KSR2: variants seen among roughly 807,000 people sequenced by gnomAD.
KSR2 encodes the protein kinase suppressor of ras 2.
Under a neutral mutation model 107.8 loss-of-function variants are expected in KSR2, and 25 were observed. The ratio of observed to expected loss-of-function variants is 0.23; its 90% CI spans 0.17 to 0.32. The LOEUF (loss-of-function observed/expected upper bound fraction) is 0.32, where lower values mean the gene tolerates loss of function less well. Among genes scored for constraint, KSR2 ranks in the 10% least tolerant of loss-of-function variants. The pLI, the probability that KSR2 is intolerant of heterozygous loss-of-function variation, is 1.00. For synonymous variants in KSR2, 480 were observed against 507.0 expected, an observed-to-expected ratio of 0.95 and a Z score of 0.71; for missense variants, 887 against 1,268.9, an observed-to-expected ratio of 0.70 and a Z score of 4.57.
At chr12:117,941,373 GA>G (rs5801261) in intron 1 of KSR2, among the ~76,000 whole-genome samples, 4 of 151,116 alleles carry the variant, frequency 2.6e-5, no homozygotes, top group East Asian at 1.9e-4. Context: ...GCCATTTGGG[GA>G]AAAAAAATCA....
intron 14 of KSR2, among the ~76,000 whole-genome samples, chr12:117,520,834 G>A (rs1874711162): frequency 1.3e-5 from 2 of 152,150 alleles, no homozygotes; most frequent in Non-Finnish European, 2.9e-5. Context: ...CTGTGTGATA[G>A]AGTCCCCTGC....
At chr12:117,591,017 C>T (rs1422609267) in intron 5 of KSR2, among the ~76,000 whole-genome samples, 1 of 152,182 alleles carries the variant, frequency 6.6e-6, no homozygotes, top group Non-Finnish European at 1.5e-5. Context: ...TGTCACCCCA[C>T]TGCCCACTTA....
At chr12:117,474,211 CA>C (rs1481072937) in intron 17 of KSR2, among the ~76,000 whole-genome samples, 9 of 152,222 alleles carry the variant, frequency 5.9e-5, no homozygotes, top group African/African-American at 2.2e-4. Context: ...AGCAGAAAAC[CA>C]ATTATTCTGG....
chr12:117,761,167 G>A lies in KSR2; in HGVS notation c.830C>T (p.Pro277Leu), dbSNP rs1888996449. ...CAGCTTGTTCTTCTTCCTCATGGGC[G>A]GCGTGCCCGGCGGGGTCACGGTGGT... ...IVTTVTPPGT[P>L]PMRKKNKLKP... Residue 277 changes from proline to leucine, a missense_variant, in exon 4 of 20, where the codon CCG becomes CTG. Physicochemically the swap from Pro to Leu is moderately conservative, Grantham distance 98 (BLOSUM62 -3). Coordinates refer to ENST00000339824, the MANE Select transcript of KSR2 (RefSeq NM_173598.6). The A allele has an allele frequency of 1.1e-5, 17 of 1,604,080 alleles. No individual in the cohort carries two copies. Among genetic ancestry groups the A allele is most frequent in the Non-Finnish European group, 1.4e-5 (17 of 1,173,932 alleles).
At chr12:117,740,337 T>TTATATAA (rs1491133209) in intron 4 of KSR2, among the ~76,000 whole-genome samples, 1 of 129,120 alleles carries the variant, frequency 7.7e-6, no homozygotes, top group Non-Finnish European at 1.7e-5. Flanking sequence ...ATTATATATA[T>TTATATAA]GTTATATATA....
chr12:117,835,657 A>G (rs748863440), intron 3 of KSR2, among the ~76,000 whole-genome samples: 18 of 152,106 alleles, frequency 1.2e-4, no homozygotes, highest in Non-Finnish European at 2.6e-4. Flanking sequence ...CAGTGTCTGT[A>G]GGCATTTTTG....
At chr12:117,890,683 AT>A (rs1894315407) in intron 1 of KSR2, 1 of 152,184 alleles carries the variant, frequency 6.6e-6, no homozygotes, top group Admixed American at 6.5e-5. Flanking sequence ...ATTTGATTGC[AT>A]TTGATCCATT....
chr12:117,531,537 T>C, intron 11 of KSR2, 129 bp downstream of exon 11: 1 of 739,136 alleles, frequency 1.4e-6, no homozygotes, highest in Non-Finnish European at 2.3e-6. Flanking sequence ...TATCCTGGAG[T>C]GTGGTGACTC....
chr12:117,671,842 C>A (rs1347895385), intron 4 of KSR2, among the ~76,000 whole-genome samples: 1 of 151,820 alleles, frequency 6.6e-6, no homozygotes. Context: ...GGGGTGCCCT[C>A]TTGTGGCCAG....
intron 1 of KSR2, among the ~76,000 whole-genome samples, chr12:117,936,530 T>TAGTAGTAGTAGTAGTAGTAGTAG (rs1566089629): frequency 8.7e-6 from 1 of 115,280 alleles, no homozygotes; most frequent in Non-Finnish European, 1.8e-5. Context: ...ATTATTATTA[T>TAGTAGTAGTAGTAGTAGTAGTAG]TATTAGTAGT....
At chr12:117,838,391 A>G (rs940681555) in intron 3 of KSR2, among the ~76,000 whole-genome samples, 2 of 152,058 alleles carry the variant, frequency 1.3e-5, no homozygotes, top group East Asian at 3.9e-4. Context: ...CTGGTCTCGA[A>G]CTCCTGACCT....
intron 14 of KSR2, among the ~76,000 whole-genome samples, chr12:117,506,820 T>C (rs771616997): frequency 6.6e-6 from 1 of 152,064 alleles, no homozygotes; most frequent in Non-Finnish European, 1.5e-5. Context: ...GATCAATAGA[T>C]AGATAGATTT....
intron 4 of KSR2, among the ~76,000 whole-genome samples, chr12:117,734,968 G>A (rs1887884763): frequency 6.6e-6 from 1 of 152,146 alleles, no homozygotes; most frequent in Admixed American, 6.5e-5. Context: ...CACACTTGGT[G>A]TTGAGCAGCT....
intron 4 of KSR2, among the ~76,000 whole-genome samples, chr12:117,722,039 A>ATTTTATTTTTTTTTAACATTTTTTT (rs1385506487): frequency 6.6e-6 from 1 of 151,844 alleles, no homozygotes; most frequent in African/African-American, 2.4e-5. Flanking sequence ...ATTCCATTTA[A>ATTTTATTTTTTTTTAACATTTTTTT]TTTTATTTTT....
chr12:117,597,433 A>G lies in KSR2; in HGVS notation c.1172-15074T>C, dbSNP rs542756766. ...TGGATTATCCAGGTGAGCCTGAGAT[A>G]TAATTATAAGGATCCTTATGAAAGA... On this transcript the variant is annotated intron_variant, in intron 5 of 19. Transcript: ENST00000339824. 8.3e-4 allele frequency among the ~76,000 whole-genome samples: 127 copies of G among 152,356 alleles called. 1 individual carries two copies. Among genetic ancestry groups the G allele is most frequent in the African/African-American group, 2.9e-3 (122 of 41,584 alleles).
At chr12:117,496,945 G>T (rs557570301) in intron 14 of KSR2, among the ~76,000 whole-genome samples, 464 of 151,646 alleles carry the variant, frequency 3.1e-3, no homozygotes, top group Non-Finnish European at 5.4e-3. Context: ...CTGCCTCCCG[G>T]GTTCAAGCGA....
chr12:117,769,048 C>G (rs1036426874), intron 3 of KSR2, among the ~76,000 whole-genome samples: 2 of 152,164 alleles, frequency 1.3e-5, no homozygotes, highest in Admixed American at 6.5e-5. Flanking sequence ...GTGGCAAGCT[C>G]AGGGTCAGAC....
intron 3 of KSR2, among the ~76,000 whole-genome samples, chr12:117,776,220 T>A (rs555867981): frequency 1.3e-5 from 2 of 152,314 alleles, no homozygotes; most frequent in South Asian, 4.2e-4. Flanking sequence ...ATTTAGCATT[T>A]TAATTGTCAA....
chr12:117,765,195 G>A (rs1271894729), intron 3 of KSR2, among the ~76,000 whole-genome samples: 1 of 152,184 alleles, frequency 6.6e-6, no homozygotes, highest in Non-Finnish European at 1.5e-5. Context: ...ATTTGCTGAG[G>A]GAATACAAGC....
Sources: allele counts gnomAD v4.1 joint callset (sites outside exome capture counted in the v4.1 genomes callset), GRCh38; gene constraint gnomAD v4.1.1; transcripts MANE v1.5; gene names NCBI Gene and HGNC (gene_info 2026-07-23, HGNC 2026-07-21).